The following CSMD1 variants were observed in gnomAD, a reference collection of about 807,000 sequenced individuals.
CSMD1 encodes the protein CUB and Sushi multiple domains 1.
A neutral mutation model predicts 417.5 loss-of-function variants in CSMD1; 213 were observed. The ratio of observed to expected loss-of-function variants is 0.51; its 90% CI spans 0.46 to 0.57. CSMD1 has a LOEUF of 0.57. Among genes scored for constraint, CSMD1 ranks in the 20% least tolerant of loss-of-function variants. The pLI is 0.00. For synonymous variants in CSMD1, 2,862 were observed against 1,736.8 expected (o/e 1.65, Z -16.11); for missense variants, 6,923 against 4,529.7 (o/e 1.53, Z -15.17).
rs1432909294 is a variant in CSMD1 at position 4,380,802 on chromosome 8, G to C, written c.415+39151C>G. ...AAGTATATTTAAAAAACTAAATCTT[G>C]GGAGCAAGGCACATTAATTTAGAAT... On this transcript the variant is annotated intron_variant, in intron 3 of 69. Transcript: ENST00000635120. Among the ~76,000 whole-genome samples, 3 of 152,196 alleles carry C rather than the reference G, an allele frequency of 2.0e-5. No individual in the cohort carries two copies. In the East Asian group the frequency reaches 5.8e-4, roughly 29 times the overall value.
chr8:4,105,420 C>A (rs1315116305), intron 3 of CSMD1, among the ~76,000 whole-genome samples: 1 of 152,106 alleles, frequency 6.6e-6, no homozygotes, highest in Non-Finnish European at 1.5e-5. Context: ...TAGGAAAGAG[C>A]ATGGACACTG....
At chr8:3,343,987 A>C (rs560140382) in intron 22 of CSMD1, among the ~76,000 whole-genome samples, 1 of 152,288 alleles carries the variant, frequency 6.6e-6, no homozygotes, top group Non-Finnish European at 1.5e-5. Context: ...AATTTGAAAT[A>C]ACAGAAGTAT....
intron 1 of CSMD1, among the ~76,000 whole-genome samples, chr8:4,819,733 G>C (rs906934625): frequency 6.6e-6 from 1 of 152,058 alleles, no homozygotes; most frequent in African/African-American, 2.4e-5. Flanking sequence ...CCATTGAACG[G>C]AAAATGCTCA....
chr8:3,988,072 G>A (rs1171892321), intron 5 of CSMD1, among the ~76,000 whole-genome samples: 1 of 152,174 alleles, frequency 6.6e-6, no homozygotes, highest in African/African-American at 2.4e-5. Context: ...TAAAAACATA[G>A]GGAAGCTGTT....
intron 1 of CSMD1, among the ~76,000 whole-genome samples, chr8:4,952,857 T>C (rs1477745803): frequency 3.3e-5 from 5 of 152,146 alleles, no homozygotes; most frequent in Non-Finnish European, 5.9e-5. Flanking sequence ...GGTAAGCTTG[T>C]TGGATGTAGA....
chr8:4,314,557 C>A (rs141770547), intron 3 of CSMD1, among the ~76,000 whole-genome samples: 1 of 152,204 alleles, frequency 6.6e-6, no homozygotes, highest in Non-Finnish European at 1.5e-5. Context: ...ATTCTAAACT[C>A]CAGTCCACAA....
chr8:3,964,750 C>T (rs1200724689), intron 5 of CSMD1, among the ~76,000 whole-genome samples: 1 of 152,160 alleles, frequency 6.6e-6, no homozygotes, highest in African/African-American at 2.4e-5. Flanking sequence ...CATACATTGT[C>T]CTGTATCCTT....
At chr8:3,187,037 A>C (rs1370867419) in intron 36 of CSMD1, among the ~76,000 whole-genome samples, 2 of 152,208 alleles carry the variant, frequency 1.3e-5, no homozygotes, top group African/African-American at 4.8e-5. Context: ...GAGCCACTGC[A>C]CCTGGCCATA....
intron 2 of CSMD1, among the ~76,000 whole-genome samples, chr8:4,444,108 G>C (rs143240697): frequency 6.6e-6 from 1 of 151,944 alleles, no homozygotes; most frequent in African/African-American, 2.4e-5. Context: ...TTGGGAGGTC[G>C]AGGCAGGTCG....
chr8:3,959,522 C>T (rs1812180878), intron 5 of CSMD1, among the ~76,000 whole-genome samples: 1 of 152,102 alleles, frequency 6.6e-6, no homozygotes, highest in African/African-American at 2.4e-5. Context: ...AAAGAACAAA[C>T]CAACGAACGA....
rs949909859 is a variant in CSMD1, at chr8:3,201,622, C to A, written c.5088G>T (p.Gly1696=). The A allele has an allele frequency of 6.3e-6, 10 of 1,597,208 alleles. No homozygotes were observed. Among genetic ancestry groups the A allele is most frequent in the African/African-American group, 4.0e-5 (3 of 74,538 alleles). ...AQARLLSSLS[G]SHSGETLPLA... Reference sequence around the variant, plus strand: ...TTCTTTAAGACTTACCTGAGTGAGACCCCGAGAGTGAGCTGAGAAGTCTGG... The same window carrying A: ...TTCTTTAAGACTTACCTGAGTGAGAACCCGAGAGTGAGCTGAGAAGTCTGG... The change falls in exon 32 of 70, where the codon GGG becomes GGT. Residue 1696 remains glycine, a synonymous_variant. Coordinates refer to ENST00000635120, the MANE Select transcript of CSMD1 (RefSeq NM_033225.6).
At chr8:4,140,372 C>T (rs1009216337) in intron 3 of CSMD1, among the ~76,000 whole-genome samples, 1 of 150,930 alleles carries the variant, frequency 6.6e-6, no homozygotes, top group Admixed American at 6.6e-5. Flanking sequence ...GTGGCACATG[C>T]CTGTAATCCC....
intron 5 of CSMD1, among the ~76,000 whole-genome samples, chr8:3,952,053 T>A (rs1251951914): frequency 6.6e-6 from 1 of 152,198 alleles, no homozygotes; most frequent in African/African-American, 2.4e-5. Flanking sequence ...GGTAAATAAT[T>A]GTAAAATTCA....
intron 2 of CSMD1, among the ~76,000 whole-genome samples, chr8:4,607,615 G>A (rs1373965885): frequency 1.3e-5 from 2 of 151,802 alleles, no homozygotes; most frequent in Admixed American, 6.6e-5. Context: ...CATCATGAGA[G>A]TTCTGGCGCC....
chr8:3,601,224 A>T (rs1348490919), intron 8 of CSMD1, among the ~76,000 whole-genome samples: 8 of 152,042 alleles, frequency 5.3e-5, no homozygotes, highest in African/African-American at 1.7e-4. Context: ...TCACATCTTT[A>T]TTATTTTTCC....
intron 1 of CSMD1, among the ~76,000 whole-genome samples, chr8:4,950,765 C>G (rs1808687762): frequency 6.6e-6 from 1 of 152,060 alleles, no homozygotes; most frequent in Non-Finnish European, 1.5e-5. Context: ...TTATAAGTGG[C>G]AGCACGCTAA....
At chr8:3,439,292 TATATATATATATATA>T (rs1373340768) in intron 12 of CSMD1, among the ~76,000 whole-genome samples, 6 of 46,188 alleles carry the variant, frequency 1.3e-4, no homozygotes, top group Admixed American at 2.5e-4. Context: ...TATATATATA[TATATATATATATATA>T]TATTTTTTTT....
chr8:4,858,588 T>C (rs1482886110), intron 1 of CSMD1, among the ~76,000 whole-genome samples: 1 of 152,102 alleles, frequency 6.6e-6, no homozygotes, highest in Non-Finnish European at 1.5e-5. Context: ...AAAATCAATG[T>C]TCAAAAATCA....
rs149875342 is a variant in CSMD1 at position 4,022,975 on chromosome 8, G to A, written c.610+8930C>T. 1.6e-4 allele frequency among the ~76,000 whole-genome samples: 25 copies of A among 152,310 alleles called. No homozygotes were observed. In the East Asian group the frequency reaches 4.4e-3, roughly 27 times the overall value. On this transcript the variant is annotated intron_variant, in intron 4 of 69. Coordinates refer to ENST00000635120, the MANE Select transcript of CSMD1 (RefSeq NM_033225.6). Reference sequence around the variant, plus strand: ...TTCAAAATTTGAGGGCAAATAAATAGCAGTATGGCAAAGATGGGACAGTCT... The same window carrying A: ...TTCAAAATTTGAGGGCAAATAAATAACAGTATGGCAAAGATGGGACAGTCT...
Sources: gnomAD v4.1 joint callset for allele counts (sites outside exome capture counted in the v4.1 genomes callset) on GRCh38, gnomAD v4.1.1 for gene constraint, MANE v1.5 for transcripts, NCBI Gene and HGNC (gene_info 2026-07-23, HGNC 2026-07-21) for gene names.